Variants in BABAM2 observed in about 807,000 individuals in gnomAD.
The protein encoded by BABAM2 is BRISC and BRCA1 A complex member 2, also known as BRISC and BRCA1-A complex member 2.
BABAM2 carries 31 observed loss-of-function variants against 54.7 expected under a neutral mutation model. That is an observed-to-expected ratio of 0.57 (90% CI 0.43 to 0.77). The LOEUF (loss-of-function observed/expected upper bound fraction) is 0.77, where lower values mean the gene tolerates loss of function less well. BABAM2 is among the 30% of genes least tolerant of loss of function. BABAM2 has a pLI of 0.00. For missense variants in BABAM2, 364 were observed against 455.8 expected, an observed-to-expected ratio of 0.80 and a Z score of 1.83; for synonymous variants, 167 against 162.9, an observed-to-expected ratio of 1.03 and a Z score of -0.19.
At chr2:28,083,911 T>A (rs1194490217) in intron 6 of BABAM2, among the ~76,000 whole-genome samples, 1 of 152,210 alleles carries the variant, frequency 6.6e-6, no homozygotes, top group African/African-American at 2.4e-5. Flanking sequence ...ATAAAACACA[T>A]AGCCCCCCTT....
At chr2:28,026,762 T>TAAAAA (rs1675702130) in intron 5 of BABAM2, among the ~76,000 whole-genome samples, 2 of 9,202 alleles carry the variant, frequency 2.2e-4, no homozygotes, top group Non-Finnish European at 1.0e-3. Flanking sequence ...AATATATATC[T>TAAAAA]ATATAAATAT....
chr2:28,273,437 G>T (rs1029168669), intron 10 of BABAM2, among the ~76,000 whole-genome samples: 3 of 152,196 alleles, frequency 2.0e-5, no homozygotes, highest in African/African-American at 4.8e-5. Context: ...AATAGCTTCA[G>T]GCCAGGCCCA....
chr2:27,953,624 A>G (rs1032638055), intron 3 of BABAM2, among the ~76,000 whole-genome samples: 7 of 151,028 alleles, frequency 4.6e-5, no homozygotes, highest in Admixed American at 4.6e-4. Context: ...CTACATTAAT[A>G]TCATTACCAA....
chr2:28,289,197 C>T (rs1253404089), intron 10 of BABAM2, among the ~76,000 whole-genome samples: 1 of 152,018 alleles, frequency 6.6e-6, no homozygotes, highest in Non-Finnish European at 1.5e-5. Context: ...CAGAAGGAAC[C>T]ACTACCCTGA....
At chr2:28,041,630 A>T (rs926996243) in intron 5 of BABAM2, among the ~76,000 whole-genome samples, 1 of 152,182 alleles carries the variant, frequency 6.6e-6, no homozygotes, top group Non-Finnish European at 1.5e-5. Flanking sequence ...CCTTTTTGCC[A>T]TCCCCTGAAC....
chr2:28,005,783 C>T (rs1196829470), intron 4 of BABAM2, among the ~76,000 whole-genome samples: 1 of 152,058 alleles, frequency 6.6e-6, no homozygotes, highest in Non-Finnish European at 1.5e-5. Context: ...CCATGGATCT[C>T]GTTTCAATAA....
chr2:28,153,766 T>C (rs1329120350), intron 7 of BABAM2, among the ~76,000 whole-genome samples: 1 of 152,200 alleles, frequency 6.6e-6, no homozygotes, highest in Non-Finnish European at 1.5e-5. Flanking sequence ...ACCAGCTTCA[T>C]AGGTAGTTGA....
At position 28,104,739 on chromosome 2, in the gene BABAM2, C is replaced by T. The variant is rs1242318573; in HGVS notation, c.571-24532C>T. Among the ~76,000 whole-genome samples the T allele has an allele frequency of 4.6e-5, 7 of 152,248 alleles. No individual in the cohort carries two copies. In the East Asian group the frequency reaches 5.8e-4, roughly 13 times the overall value. ...ATGCTGCTATAAAGACACATGCACA[C>T]GTATGTTTATTGTGGCACTATTCAC... On this transcript the variant is annotated intron_variant, in intron 6 of 11. Coordinates refer to ENST00000379624, the MANE Select transcript of BABAM2 (RefSeq NM_199191.3).
At chr2:27,890,424 G>T, upstream of BABAM2, 3 of 1,398,916 alleles carry the variant, frequency 2.1e-6, no homozygotes, top group Non-Finnish European at 2.9e-6. The surrounding 1 kb of genome is among the most constrained non-coding windows in gnomAD (Gnocchi z 4.8). Context: ...CGCCACTCCT[G>T]CCCTCCCTAA....
intron 3 of BABAM2, among the ~76,000 whole-genome samples, chr2:27,958,624 A>G (rs1363495818): frequency 1.3e-5 from 2 of 151,898 alleles, no homozygotes; most frequent in Non-Finnish European, 2.9e-5. Flanking sequence ...AAGTTGAAGT[A>G]GAGCTCACCT....
At chr2:28,174,220 G>A (rs761091032) in intron 7 of BABAM2, among the ~76,000 whole-genome samples, 1 of 152,098 alleles carries the variant, frequency 6.6e-6, no homozygotes, top group Non-Finnish European at 1.5e-5. Flanking sequence ...CTAAACCTTT[G>A]GGAAGGCCAC....
chr2:28,277,274 T>G, intron 10 of BABAM2, among the ~76,000 whole-genome samples: 1 of 151,990 alleles, frequency 6.6e-6, no homozygotes, highest in East Asian at 1.9e-4. Context: ...CCTAGCTAAT[T>G]TTTGTATTTT....
chr2:28,318,599 T>C (rs551662914), intron 11 of BABAM2, among the ~76,000 whole-genome samples: 159 of 152,246 alleles, frequency 1.0e-3, no homozygotes, highest in Non-Finnish European at 1.9e-3. Context: ...CTTTCCATCC[T>C]GTAGTAGTTA....
intron 10 of BABAM2, among the ~76,000 whole-genome samples, chr2:28,266,132 A>C (rs1684968958): frequency 6.6e-6 from 1 of 152,050 alleles, no homozygotes; most frequent in South Asian, 2.1e-4. Context: ...TTACAGGCAC[A>C]CACCACCACG....
intron 2 of BABAM2, among the ~76,000 whole-genome samples, chr2:27,910,800 A>G (rs1373972056): frequency 2.0e-5 from 3 of 152,176 alleles, no homozygotes. Context: ...ATTGTGTAAC[A>G]TGCCACGGTT....
At chr2:27,904,801 A>G (rs1298311009) in intron 2 of BABAM2, among the ~76,000 whole-genome samples, 2 of 152,246 alleles carry the variant, frequency 1.3e-5, no homozygotes, top group Non-Finnish European at 2.9e-5. Context: ...CAGACTTTCA[A>G]GAACTCAAAA....
chr2:28,135,884 C>T (rs10189434), intron 7 of BABAM2, among the ~76,000 whole-genome samples: 35,910 of 152,088 alleles, frequency 0.24, 4,541 homozygotes, highest in South Asian at 0.47. Context: ...CTTCTAGTTC[C>T]TTCCTATTTC....
intron 7 of BABAM2, among the ~76,000 whole-genome samples, chr2:28,200,630 A>G (rs565900332): frequency 6.6e-6 from 1 of 152,350 alleles, no homozygotes; most frequent in African/African-American, 2.4e-5. Flanking sequence ...TGACTGAAAC[A>G]GCCAATCAGA....
chr2:27,892,041 A>G (rs965927149), intron 1 of BABAM2, among the ~76,000 whole-genome samples: 4 of 152,202 alleles, frequency 2.6e-5, no homozygotes, highest in African/African-American at 9.7e-5. Context: ...ATTTTATAAG[A>G]TATACGCTTT....
Sources: gnomAD v4.1 joint callset for allele counts (sites outside exome capture counted in the v4.1 genomes callset) on GRCh38, gnomAD v4.1.1 for gene constraint, Gnocchi (gnomAD v3.1) non-coding constraint, MANE v1.5 for transcripts, NCBI Gene and HGNC (gene_info 2026-07-23, HGNC 2026-07-21) for gene names.